HOXB6: variants seen among roughly 807,000 people sequenced by gnomAD.
HOXB6 encodes the protein homeobox protein Hox-B6.
HOXB6 carries 18 observed loss-of-function variants against 24.2 expected under a neutral mutation model. That is an observed-to-expected ratio of 0.74 (90% CI 0.51 to 1.10). The LOEUF is 1.10. Among genes scored for constraint, HOXB6 ranks in the 50% least tolerant of loss-of-function variants. HOXB6 has a pLI of 0.00. For missense variants in HOXB6, 332 were observed against 308.3 expected (o/e 1.08, Z -0.58); for synonymous variants, 159 against 139.1 (o/e 1.14, Z -1.01).
chr17:48,597,137 T>C (rs2070321998), intron 3 of HOXB6: 1 of 1,032,788 alleles, frequency 9.7e-7, no homozygotes, highest in Non-Finnish European at 1.2e-6. Flanking sequence ...CAACAAATAA[T>C]CCAACCTGAG....
chr17:48,596,222 T>C lies in HOXB6; in HGVS notation c.*191A>G, dbSNP rs1017864074. ...CGGGATGCTGGGTGGGCTCGAGTAG[T>C]GAGGCCTCAGAGCACCCGCCGGGAG... On this transcript the variant is annotated 3_prime_UTR_variant, in exon 4 of 4. Coordinates refer to ENST00000225648, the MANE Select transcript of HOXB6 (RefSeq NM_018952.5). The surrounding 1 kb of genome is among the most constrained non-coding windows in gnomAD (Gnocchi z 4.8). 10 of 828,170 alleles carry C rather than the reference T, an allele frequency of 1.2e-5. No individual in the cohort carries two copies. The highest frequency in any genetic ancestry group is 2.0e-5 in the Non-Finnish European group (10 of 490,948). 51.3% of individuals were successfully genotyped at this position (828,170 alleles called of 1,614,324 possible).
At chr17:48,602,099 G>A in intron 2 of HOXB6, 1 of 456,036 alleles carries the variant, frequency 2.2e-6, no homozygotes, top group South Asian at 1.5e-5. Context: ...AAAAGATCGA[G>A]AATGGAGGAG....
At chr17:48,597,559 C>G (rs1371373654) in intron 3 of HOXB6, among the ~76,000 whole-genome samples, 177 bp downstream of exon 3, 1 of 152,174 alleles carries the variant, frequency 6.6e-6, no homozygotes, top group Non-Finnish European at 1.5e-5. Context: ...GTAACTCCTG[C>G]CTAATAGGGG....
chr17:48,602,391 G>A (rs1036048348), intron 2 of HOXB6: 15 of 365,896 alleles, frequency 4.1e-5, no homozygotes, highest in African/African-American at 2.6e-4. Flanking sequence ...GGGTGGGGGT[G>A]GGGATGGCGG....
chr17:48,598,030 C>CG lies in HOXB6; in HGVS notation c.120dup (p.Ala41ArgfsTer275). 1 of 1,599,248 alleles carries CG rather than the reference C, an allele frequency of 6.3e-7. No homozygotes were observed. Among genetic ancestry groups the CG allele is most frequent in the South Asian group, 1.1e-5 (1 of 88,852 alleles). On this transcript the variant is annotated frameshift_variant, in exon 3 of 4. Transcript: ENST00000225648. LOFTEE classifies it high-confidence loss of function. The stretch of plus-strand genomic sequence containing the variant: ...TGGCCCGGCCCTGGCCCGTAGGGCG[C>CG]GGGGTAATGTCTCAGCGGGTCCGCA...
At chr17:48,597,662 G>C (rs1353402673) in intron 3 of HOXB6, 74 bp downstream of exon 3, 94 of 1,481,596 alleles carry the variant, frequency 6.3e-5, no homozygotes, top group Non-Finnish European at 8.0e-5. Context: ...GGGGCAGGGG[G>C]CGCTCACTAG....
chr17:48,595,816 C>CATT lies in HOXB6; in HGVS notation c.*596_*597insAAT, dbSNP rs1448566182. 4 of 221,742 alleles carry CATT rather than the reference C, an allele frequency of 1.8e-5. No homozygotes were observed. Among genetic ancestry groups the CATT allele is most frequent in the Non-Finnish European group, 3.7e-5 (4 of 108,176 alleles). The allele number at this position is 221,742 out of a possible 1,614,324, so 13.7% of individuals were successfully genotyped here. On this transcript the variant is annotated 3_prime_UTR_variant, in exon 4 of 4. Transcript: ENST00000225648. Reference sequence around the variant, plus strand: ...TTATTATTATTATTATCATCATCATCATCATCATCATCATCGAAGTATTTC... The same window carrying CATT: ...TTATTATTATTATTATCATCATCATCATTATCATCATCATCATCGAAGTATTTC...
intron 2 of HOXB6, among the ~76,000 whole-genome samples, chr17:48,598,847 A>C (rs2070388803): frequency 6.6e-6 from 1 of 152,172 alleles, no homozygotes; most frequent in Non-Finnish European, 1.5e-5. Flanking sequence ...TGTCTCCTCC[A>C]AGCCTCGGCT....
intron 2 of HOXB6, chr17:48,603,850 C>A (rs1355718014): frequency 6.6e-6 from 1 of 152,500 alleles, no homozygotes; most frequent in Non-Finnish European, 1.5e-5. Context: ...CCACCCACAG[C>A]CCTTTAATTT....
chr17:48,597,501 A>C (rs2070334189), intron 3 of HOXB6, among the ~76,000 whole-genome samples: 1 of 152,078 alleles, frequency 6.6e-6, no homozygotes. Context: ...CCAGGAGAGC[A>C]CACTTGCTCC....
chr17:48,600,994 G>A (rs2070447950), intron 2 of HOXB6, among the ~76,000 whole-genome samples: 1 of 132,980 alleles, frequency 7.5e-6, no homozygotes, highest in African/African-American at 4.0e-5. Context: ...ATATTTGCGT[G>A]TGTGTGTGTG....
At chr17:48,599,647 C>T (rs1018313521) in intron 2 of HOXB6, among the ~76,000 whole-genome samples, 17 of 152,180 alleles carry the variant, frequency 1.1e-4, no homozygotes, top group African/African-American at 4.1e-4. Flanking sequence ...GAATGTATGT[C>T]TCTGGCTCTT....
rs1486216767 is a variant in HOXB6, at chr17:48,598,096, C to A, written c.55G>T (p.Glu19Ter). 3.7e-6 allele frequency: 6 copies of A among 1,602,052 alleles called. No individual in the cohort carries two copies. The highest frequency in any genetic ancestry group is 5.1e-6 in the Non-Finnish European group (6 of 1,172,520). ...AGCGGTAGCTGGCCCAGGAAGGACT[C>A]CTGCCCGCTGGCCAGAGTGACGGGG... ...TFPVTLASGQ[E>*]SFLGQLPLYS... The change falls in exon 3 of 4, where the codon GAG (glutamate) becomes TAG (stop). Residue 19 changes from glutamate to a stop codon, truncating the protein, a stop_gained. Coordinates refer to ENST00000225648, the MANE Select transcript of HOXB6 (RefSeq NM_018952.5). LOFTEE classifies it high-confidence loss of function.
At position 48,598,010 on chromosome 17, in the gene HOXB6, C is replaced by A; in HGVS notation, c.141G>T (p.Pro47=). ...AAGTGGCAAAGCCCTTGTCCTGGCC[C>A]GGCCCTGGCCCGTAGGGCGCGGGGT... ...RHYPAPYGPG[P]GQDKGFATSS... Residue 47 remains proline (P), a synonymous_variant, in exon 3 of 4, where the codon CCG becomes CCT. Transcript: ENST00000225648. The A allele has an allele frequency of 6.3e-7, 1 of 1,595,906 alleles. No individual in the cohort carries two copies. The highest frequency in any genetic ancestry group is 2.3e-5 in the East Asian group (1 of 43,960).
chr17:48,596,002 G>C lies in HOXB6; in HGVS notation c.*411C>G. 2.2e-6 allele frequency: 1 copy of C among 462,272 alleles called. No individual in the cohort carries two copies. The highest frequency in any genetic ancestry group is 1.6e-5 in the South Asian group (1 of 64,346). The allele number at this position is 462,272 out of a possible 1,614,324, so 28.6% of individuals were successfully genotyped here. On this transcript the variant is annotated 3_prime_UTR_variant, in exon 4 of 4. Transcript: ENST00000225648. This position sits in a 1 kb window ranked among gnomAD's most constrained non-coding sequence, Gnocchi z 4.8. ...GAGAGACGACAGGTCTGGGATCAGG[G>C]AGTCTTCAAGGCCCCCGCTGAGGGG...
intron 2 of HOXB6, chr17:48,602,638 T>C (rs1174545006): frequency 5.8e-6 from 1 of 173,714 alleles, no homozygotes; most frequent in African/African-American, 2.4e-5. Flanking sequence ...AGCGTCGGTG[T>C]GGGCCCGAAA....
In HOXB6 at chr17:48,596,755, C is replaced by G; in HGVS notation, c.416-83G>C. 7.6e-6 allele frequency: 12 copies of G among 1,576,620 alleles called. No individual in the cohort carries two copies. Among genetic ancestry groups the G allele is most frequent in the African/African-American group, 6.7e-5 (5 of 74,460 alleles). ...CCTAGTCGACCCTCGAACACAGACT[C>G]CAGCCAGTACCGGGATGCCCTCTAT... On this transcript the variant is annotated intron_variant, in intron 3 of 3. Coordinates refer to ENST00000225648, the MANE Select transcript of HOXB6 (RefSeq NM_018952.5). This position sits in a 1 kb window ranked among gnomAD's most constrained non-coding sequence, Gnocchi z 4.8.
At position 48,598,168 on chromosome 17, in the gene HOXB6, G is replaced by A; in HGVS notation, c.-18C>T. 6.4e-7 allele frequency: 1 copy of A among 1,560,700 alleles called. No homozygotes were observed. The highest frequency in any genetic ancestry group is 8.7e-7 in the Non-Finnish European group (1 of 1,150,378). ...GAACTCATTGGGAGGGGAGGCGCGCGCGGCCGCTGCTGCTCCGCCGGGTTT... is the reference window on the plus strand; with the variant it reads ...GAACTCATTGGGAGGGGAGGCGCGCACGGCCGCTGCTGCTCCGCCGGGTTT... On this transcript the variant is annotated 5_prime_UTR_variant, in exon 3 of 4. Coordinates refer to ENST00000225648, the MANE Select transcript of HOXB6 (RefSeq NM_018952.5).
rs1295156055 is a variant in HOXB6 at position 48,597,834 on chromosome 17, G to A, written c.317C>T (p.Ser106Leu). The change falls in exon 3 of 4, where the codon TCG becomes TTG. Residue 106 changes from serine (S) to leucine (L), a missense_variant. Transcript: ENST00000225648. Reference sequence around the variant, plus strand: ...CACGCTCTTGTCCTGCGCGCAGTCCGACTTCCGCGGCTCGGGGTGGAACGG... The same window carrying A: ...CACGCTCTTGTCCTGCGCGCAGTCCAACTTCCGCGGCTCGGGGTGGAACGG... Reference protein sequence around the residue: ...QPPFHPEPRKSDCAQDKSVFG... With the variant: ...QPPFHPEPRKLDCAQDKSVFG... 1 of 1,602,544 alleles carries A rather than the reference G, an allele frequency of 6.2e-7. No homozygotes were observed. Among genetic ancestry groups the A allele is most frequent in the Non-Finnish European group, 8.5e-7 (1 of 1,173,832 alleles).
Sources: allele counts gnomAD v4.1 joint callset (sites outside exome capture counted in the v4.1 genomes callset), GRCh38; gene constraint gnomAD v4.1.1; non-coding constraint Gnocchi (gnomAD v3.1); transcripts MANE v1.5; gene names NCBI Gene and HGNC (gene_info 2026-07-23, HGNC 2026-07-21).